Variants in CSMD3 observed in about 807,000 individuals in gnomAD.
The protein encoded by CSMD3 is CUB and sushi domain-containing protein 3.
CSMD3 carries 177 observed loss-of-function variants against 435.2 expected under a neutral mutation model. The observed-to-expected ratio is 0.41, with a 90% CI of 0.36 to 0.46. The LOEUF is 0.46. Ranked by LOEUF, CSMD3 falls within the 20% of genes least tolerant of loss-of-function variation. The probability of loss-of-function intolerance (pLI) is 0.34; values close to 1 mark genes in which losing one functional copy is unlikely to be tolerated. For missense variants in CSMD3, 4,265 were observed against 4,504.6 expected, an observed-to-expected ratio of 0.95 and a Z score of 1.52; for synonymous variants, 1,656 against 1,520.5, an observed-to-expected ratio of 1.09 and a Z score of -2.07.
chr8:113,419,497 A>T (rs1393151829), intron 1 of CSMD3, among the ~76,000 whole-genome samples: 2 of 152,146 alleles, frequency 1.3e-5, no homozygotes, highest in Non-Finnish European at 2.9e-5. Flanking sequence ...TTGAAGGACT[A>T]GTCTGCATAA....
At chr8:112,468,512 G>T (rs1347723518) in intron 32 of CSMD3, among the ~76,000 whole-genome samples, 1 of 151,804 alleles carries the variant, frequency 6.6e-6, no homozygotes, top group Non-Finnish European at 1.5e-5. Context: ...ATCTTATTTG[G>T]ACTCCTATAC....
intron 3 of CSMD3, among the ~76,000 whole-genome samples, chr8:113,259,240 C>T (rs2093407479): frequency 6.6e-6 from 1 of 152,088 alleles, no homozygotes; most frequent in African/African-American, 2.4e-5. Context: ...TAGACTGAAT[C>T]AATCAGAACT....
intron 22 of CSMD3, among the ~76,000 whole-genome samples, chr8:112,633,280 T>C (rs1486338380): frequency 6.8e-6 from 1 of 146,822 alleles, no homozygotes; most frequent in East Asian, 2.0e-4. Flanking sequence ...TCAACTATAA[T>C]GCAGGCCAGA....
chr8:113,125,863 C>G (rs1324294461), intron 4 of CSMD3, among the ~76,000 whole-genome samples: 1 of 151,688 alleles, frequency 6.6e-6, no homozygotes, highest in Non-Finnish European at 1.5e-5. Context: ...TCTTTGAACA[C>G]TTTATTAAAG....
At chr8:112,657,281 T>A (rs1185637421) in intron 17 of CSMD3, among the ~76,000 whole-genome samples, 2 of 152,106 alleles carry the variant, frequency 1.3e-5, no homozygotes, top group Non-Finnish European at 2.9e-5. Context: ...CAGGCTGGTC[T>A]CTAAGTCCTG....
intron 1 of CSMD3, among the ~76,000 whole-genome samples, chr8:113,365,784 G>A (rs1484449960): frequency 6.6e-6 from 1 of 151,860 alleles, no homozygotes; most frequent in African/African-American, 2.4e-5. Context: ...TAATGAGAGT[G>A]TCGTTCTGTT....
chr8:113,041,258 C>T (rs952096629), intron 5 of CSMD3, among the ~76,000 whole-genome samples: 25 of 150,708 alleles, frequency 1.7e-4, no homozygotes, highest in Admixed American at 4.0e-4. Flanking sequence ...GAAATTTTCT[C>T]CAACAATGGA....
chr8:112,420,553 AAT>A (rs1371201642), intron 32 of CSMD3, among the ~76,000 whole-genome samples: 4 of 152,150 alleles, frequency 2.6e-5, no homozygotes, highest in Non-Finnish European at 5.9e-5. Context: ...ATGTGTTGCT[AAT>A]GTTACTTTTA....
At chr8:112,648,259 T>C (rs2075035356) in intron 19 of CSMD3, among the ~76,000 whole-genome samples, 1 of 152,124 alleles carries the variant, frequency 6.6e-6, no homozygotes, top group African/African-American at 2.4e-5. Flanking sequence ...AATAGTTGAG[T>C]TCAGTTCGAG....
intron 2 of CSMD3, among the ~76,000 whole-genome samples, chr8:113,297,100 ATT>A (rs771547614): frequency 2.2e-4 from 34 of 152,256 alleles, no homozygotes; most frequent in East Asian, 9.6e-4. Flanking sequence ...TTGTTAAAAT[ATT>A]GTGTTATTTG....
intron 2 of CSMD3, chr8:113,311,981 T>C (rs1318334274): frequency 3.3e-5 from 5 of 152,192 alleles, no homozygotes; most frequent in South Asian, 2.1e-4. Flanking sequence ...TTTCGGTTTA[T>C]ATTTGTATAT....
At chr8:112,995,107 G>A (rs915750922) in intron 6 of CSMD3, among the ~76,000 whole-genome samples, 2 of 151,426 alleles carry the variant, frequency 1.3e-5, no homozygotes, top group Non-Finnish European at 3.0e-5. Flanking sequence ...ATAAGGCATA[G>A]ATTTTACTTT....
chr8:112,916,031 C>A (rs1434057584), intron 10 of CSMD3, among the ~76,000 whole-genome samples: 1 of 151,766 alleles, frequency 6.6e-6, no homozygotes, highest in African/African-American at 2.4e-5. Flanking sequence ...CATCAACTTA[C>A]AAATAAGTAA....
chr8:113,067,975 T>C (rs1162008483), intron 5 of CSMD3, among the ~76,000 whole-genome samples: 2 of 152,108 alleles, frequency 1.3e-5, no homozygotes, highest in East Asian at 1.9e-4. Context: ...GGACACCTAA[T>C]TGACTACAAG....
rs201853674 is a variant in CSMD3 at position 113,307,278 on chromosome 8, A to G, written c.401+7293T>C. 3.9e-5 allele frequency among the ~76,000 whole-genome samples: 6 copies of G among 152,284 alleles called. No individual in the cohort carries two copies. The East Asian group carries it at 1.2e-3, about 29-fold the overall frequency. Reference sequence around the variant, plus strand: ...GTGTCCAGAGGCAGCCAGCTAGGACACATAATTTATTAAGTTGTTATTTCT... The same window carrying G: ...GTGTCCAGAGGCAGCCAGCTAGGACGCATAATTTATTAAGTTGTTATTTCT... On this transcript the variant is annotated intron_variant, in intron 2 of 70. Coordinates refer to ENST00000297405, the MANE Select transcript of CSMD3 (RefSeq NM_198123.2).
chr8:112,768,292 G>A (rs922856578), intron 13 of CSMD3, among the ~76,000 whole-genome samples: 2 of 151,820 alleles, frequency 1.3e-5, no homozygotes, highest in Non-Finnish European at 2.9e-5. Context: ...GAAAACCTGG[G>A]TGTGGTGAGA....
At chr8:113,219,678 A>T (rs2092944857) in intron 3 of CSMD3, among the ~76,000 whole-genome samples, 1 of 151,448 alleles carries the variant, frequency 6.6e-6, no homozygotes, top group Admixed American at 6.6e-5. Context: ...AGATACATAA[A>T]ATGTAAAGCT....
Position 113,007,722 on chromosome 8 carries a change from A to T in CSMD3, c.1030+11345T>A, listed in dbSNP as rs186082047. Among the ~76,000 whole-genome samples, 16 of 152,006 alleles carry T rather than the reference A, an allele frequency of 1.1e-4. No homozygotes were observed. The East Asian group carries it at 3.1e-3, about 30-fold the overall frequency. ...GGGTGTTTTTCTTCCATCAAGCTGAAATGATTTATTTGAATTTGTCAGTAT... is the reference window on the plus strand; with the variant it reads ...GGGTGTTTTTCTTCCATCAAGCTGATATGATTTATTTGAATTTGTCAGTAT... On this transcript the variant is annotated intron_variant, in intron 6 of 70. Coordinates refer to ENST00000297405, the MANE Select transcript of CSMD3 (RefSeq NM_198123.2).
At chr8:113,287,231 G>C (rs2093653582) in intron 2 of CSMD3, among the ~76,000 whole-genome samples, 1 of 151,828 alleles carries the variant, frequency 6.6e-6, no homozygotes, top group Non-Finnish European at 1.5e-5. Flanking sequence ...TAAGACTTTT[G>C]GATATGAATT....
Sources: allele counts gnomAD v4.1 joint callset (sites outside exome capture counted in the v4.1 genomes callset), GRCh38; gene constraint gnomAD v4.1.1; transcripts MANE v1.5; gene names NCBI Gene and HGNC (gene_info 2026-07-23, HGNC 2026-07-21).